ZNF862: variants seen among roughly 807,000 people sequenced by gnomAD.
ZNF862 encodes zinc finger protein 862.
ZNF862 carries 64 observed loss-of-function variants against 91.1 expected under a neutral mutation model. That is an observed-to-expected ratio of 0.70 (90% CI 0.57 to 0.87). ZNF862 has a LOEUF of 0.87. Among genes scored for constraint, ZNF862 ranks in the 40% least tolerant of loss-of-function variants. The probability of loss-of-function intolerance (pLI) is 0.00; values close to 1 mark genes in which losing one functional copy is unlikely to be tolerated. For synonymous variants in ZNF862, 631 were observed against 618.1 expected, an observed-to-expected ratio of 1.02 and a Z score of -0.31; for missense variants, 1,459 against 1,528.0, an observed-to-expected ratio of 0.95 and a Z score of 0.75.
intron 5 of ZNF862, chr7:149,852,782 G>A (rs1802110336): frequency 6.6e-6 from 1 of 152,210 alleles, no homozygotes. Flanking sequence ...GGCCAACATA[G>A]GGACTATGTG....
chr7:149,839,610 T>A (rs1801631654), intron 1 of ZNF862, among the ~76,000 whole-genome samples: 2 of 152,286 alleles, frequency 1.3e-5, no homozygotes, highest in East Asian at 3.9e-4. Flanking sequence ...GAGAAAAGGA[T>A]AATGAGGTTC....
chr7:149,862,561 C>T, intron 7 of ZNF862, 67 bp downstream of exon 7: 1 of 1,461,056 alleles, frequency 6.8e-7, no homozygotes, highest in Non-Finnish European at 9.1e-7. Flanking sequence ...TAAGACAGGA[C>T]TGCAGGTGCC....
rs772929091 is a variant in ZNF862, at chr7:149,864,279, T to G, written c.3505T>G (p.Ser1169Ala). ...PHTSQEAPGM[S>A] ...CACCAGCCAGGAGGCCCCCGGGATG[T>G]CCTGAGGGACAGGGAGTCCTTGGGA... is the stretch of plus-strand genomic sequence containing the variant. Residue 1169 changes from serine (S) to alanine (A), a missense_variant, in exon 8 of 8, where the codon TCC (serine) becomes GCC (alanine). Ser to Ala is a moderately conservative substitution (Grantham distance 99, BLOSUM62 1). Coordinates refer to ENST00000223210, the MANE Select transcript of ZNF862 (RefSeq NM_001099220.3). The G allele has an allele frequency of 2.4e-5, 38 of 1,597,210 alleles. No homozygotes were observed. Among genetic ancestry groups the G allele is most frequent in the Non-Finnish European group, 3.0e-5 (35 of 1,172,990 alleles).
intron 3 of ZNF862, among the ~76,000 whole-genome samples, chr7:149,847,381 G>A (rs559197610): frequency 6.6e-6 from 1 of 152,258 alleles, no homozygotes; most frequent in Admixed American, 6.5e-5. Context: ...TATTATGTCA[G>A]TGTTCTTATC....
At position 149,848,140 on chromosome 7, in the gene ZNF862, G is replaced by A. The variant is rs370372278; in HGVS notation, c.647G>A (p.Arg216Gln). ...GCGAGGGACCCCATCTGGGCAGCCC[G>A]GTTCCGGAGCATCAGAGACCCACCT... ...LAARDPIWAA[R>Q]FRSIRDPPGD... The change falls in exon 4 of 8, where the codon CGG becomes CAG. Residue 216 changes from arginine (R) to glutamine (Q), a missense_variant. Coordinates refer to ENST00000223210, the MANE Select transcript of ZNF862 (RefSeq NM_001099220.3). 2.4e-5 allele frequency: 38 copies of A among 1,613,912 alleles called. No homozygotes were observed. The highest frequency in any genetic ancestry group is 2.9e-5 in the Non-Finnish European group (34 of 1,179,912).
chr7:149,863,188 A>G (rs1802581300), intron 7 of ZNF862, among the ~76,000 whole-genome samples: 1 of 150,654 alleles, frequency 6.6e-6, no homozygotes, highest in African/African-American at 2.5e-5. Flanking sequence ...CACAGACAGG[A>G]AATTTTTCTC....
chr7:149,838,447 C>G lies in ZNF862; in HGVS notation c.-165C>G. 1 of 423,838 alleles carries G rather than the reference C, an allele frequency of 2.4e-6. No homozygotes were observed. The highest frequency in any genetic ancestry group is 4.0e-6 in the Non-Finnish European group (1 of 249,942). The allele number at this position is 423,838 out of a possible 1,614,324, so 26.3% of individuals were successfully genotyped here. A position where few individuals can be genotyped will look rare whatever the true frequency, so the allele number is the denominator to read the frequency against. On this transcript the variant is annotated 5_prime_UTR_variant, in exon 1 of 8. Coordinates refer to ENST00000223210, the MANE Select transcript of ZNF862 (RefSeq NM_001099220.3). The stretch of plus-strand genomic sequence containing the variant: ...CGCGCTTATCCTGGGTCCACCGGCG[C>G]TACCGCCCCCCGACGTGAGAGAGCG...
At chr7:149,851,718 G>A (rs1398155363) in intron 5 of ZNF862, 1 of 152,242 alleles carries the variant, frequency 6.6e-6, no homozygotes, top group Admixed American at 6.5e-5. Context: ...CGTTTTGTGT[G>A]TTGACAGAGC....
In ZNF862 at chr7:149,865,676, G is replaced by C. The variant is rs1187634888; in HGVS notation, c.*1392G>C. Reference sequence around the variant, plus strand: ...TCCTTAACCATGGGCAGGAAATGAGGCAAGTCAGCAGGCAGGGTTTCTCTG... The same window carrying C: ...TCCTTAACCATGGGCAGGAAATGAGCCAAGTCAGCAGGCAGGGTTTCTCTG... On this transcript the variant is annotated 3_prime_UTR_variant, in exon 8 of 8. Coordinates refer to ENST00000223210, the MANE Select transcript of ZNF862 (RefSeq NM_001099220.3). 2.0e-5 allele frequency: 3 copies of C among 152,200 alleles called. No homozygotes were observed. Among genetic ancestry groups the C allele is most frequent in the African/African-American group, 7.2e-5 (3 of 41,422 alleles). 9.4% of individuals were successfully genotyped at this position (152,200 alleles called of 1,614,324 possible).
rs770902252 is a variant in ZNF862, at chr7:149,848,063, C to T, written c.570C>T (p.Leu190=). The T allele has an allele frequency of 1.2e-6, 2 of 1,614,040 alleles. No homozygotes were observed. The highest frequency in any genetic ancestry group is 3.3e-5 in the Admixed American group (2 of 60,016). The change falls in exon 4 of 8, where the codon CTC becomes CTT. Residue 190 remains leucine, a synonymous_variant. Coordinates refer to ENST00000223210, the MANE Select transcript of ZNF862 (RefSeq NM_001099220.3). ...CAGGACCATTCAAGGTGGAGACTCT[C>T]AAATACCACGCGAAGAGCAAGGCCC... The part of the protein sequence containing the change: ...GYTGPFKVET[L]KYHAKSKAHM...
intron 6 of ZNF862, 80 bp from the exon 7 acceptor site, chr7:149,860,302 TA>T (rs1399888132): frequency 3.9e-6 from 5 of 1,296,436 alleles, no homozygotes; most frequent in African/African-American, 3.0e-5. Context: ...GGATACTTAT[TA>T]AATTTGGGGG....
intron 7 of ZNF862, 73 bp downstream of exon 7, chr7:149,862,567 G>A: frequency 1.4e-6 from 2 of 1,449,706 alleles, no homozygotes; most frequent in Non-Finnish European, 1.8e-6. Context: ...AGGACTGCAG[G>A]TGCCTGTGGA....
chr7:149,861,102 A>C lies in ZNF862; in HGVS notation c.1942A>C (p.Lys648Gln). 6.2e-7 allele frequency: 1 copy of C among 1,612,918 alleles called. No homozygotes were observed. Among genetic ancestry groups the C allele is most frequent in the Non-Finnish European group, 8.5e-7 (1 of 1,179,842 alleles). ...ACVGIYIRYFKQMEVKESYIT... is the reference protein window; with the variant it reads ...ACVGIYIRYFQQMEVKESYIT... ...CGTGGGGATTTACATCCGCTACTTCAAGCAGATGGAGGTGAAAGAGTCCTA... is the reference window on the plus strand; with the variant it reads ...CGTGGGGATTTACATCCGCTACTTCCAGCAGATGGAGGTGAAAGAGTCCTA... The change falls in exon 7 of 8, where the codon AAG becomes CAG. Residue 648 changes from lysine to glutamine, a missense_variant. Transcript: ENST00000223210. This position sits in a 1 kb window ranked among gnomAD's most constrained non-coding sequence, Gnocchi z 6.7.
At chr7:149,841,783 CCTTT>C in intron 1 of ZNF862, 3 of 982,838 alleles carry the variant, frequency 3.1e-6, no homozygotes, top group African/African-American at 1.7e-5. Context: ...GACTGATACT[CCTTT>C]CTCATTTTTT....
At chr7:149,858,763 G>A (rs185676447) in intron 5 of ZNF862, 1,554 of 153,274 alleles carry the variant, frequency 0.01, 16 homozygotes, top group Non-Finnish European at 0.016. Flanking sequence ...CAGATTTCAG[G>A]CTCCATTGCA....
At chr7:149,842,372 T>C (rs1006559559) in intron 1 of ZNF862, among the ~76,000 whole-genome samples, 2 of 152,244 alleles carry the variant, frequency 1.3e-5, no homozygotes, top group Non-Finnish European at 2.9e-5. Flanking sequence ...CAGACAGCTT[T>C]ACCTTGTAGA....
In ZNF862 at chr7:149,861,796, T is replaced by C. The variant is rs368326485; in HGVS notation, c.2636T>C (p.Leu879Pro). The C allele has an allele frequency of 2.5e-6, 4 of 1,613,532 alleles. No homozygotes were observed. The Admixed American group carries it at 6.7e-5, about 27-fold the overall frequency. ...ACGCTGGGCCGCGCCTACGTGGCAC[T>C]GGAGAGCCTCCGTCACCAGGCAGGG... ...NATLGRAYVA[L>P]ESLRHQAGPK... The change falls in exon 7 of 8, where the codon CTG (leucine) becomes CCG (proline). Residue 879 changes from leucine (L) to proline (P), a missense_variant. By Grantham distance (98) the Leu-to-Pro change is moderately conservative. Transcript: ENST00000223210. This position sits in a 1 kb window ranked among gnomAD's most constrained non-coding sequence, Gnocchi z 6.7.
At position 149,864,116 on chromosome 7, in the gene ZNF862, G is replaced by C. The variant is rs748964451; in HGVS notation, c.3342G>C (p.Arg1114Ser). ...CTCCTTCCTCCCTCACAGGCGCCAG[G>C]CTCAGGAAGGAGGAGATGGGAGCCC... ...QVPARSPASA[R>S]LRKEEMGALY... The change falls in exon 8 of 8, where the codon AGG becomes AGC. Residue 1114 changes from arginine (R) to serine (S), a missense_variant. Coordinates refer to ENST00000223210, the MANE Select transcript of ZNF862 (RefSeq NM_001099220.3). 1 of 1,580,074 alleles carries C rather than the reference G, an allele frequency of 6.3e-7. No homozygotes were observed. The highest frequency in any genetic ancestry group is 8.6e-7 in the Non-Finnish European group (1 of 1,163,246).
chr7:149,859,855 C>T (rs1802397761), intron 6 of ZNF862: 1 of 317,784 alleles, frequency 3.1e-6, no homozygotes, highest in Non-Finnish European at 5.8e-6. Context: ...ATCCCTTCTC[C>T]CTCCTTCTCC....
Sources: allele counts gnomAD v4.1 joint callset (sites outside exome capture counted in the v4.1 genomes callset), GRCh38; gene constraint gnomAD v4.1.1; non-coding constraint Gnocchi (gnomAD v3.1); transcripts MANE v1.5; gene names NCBI Gene and HGNC (gene_info 2026-07-23, HGNC 2026-07-21).